The following SGCZ variants were observed in gnomAD, a reference collection of about 807,000 sequenced individuals.
SGCZ encodes the protein sarcoglycan zeta, also known as zeta-sarcoglycan.
SGCZ carries 40 observed loss-of-function variants against 41.3 expected under a neutral mutation model. That is an observed-to-expected ratio of 0.97 (90% CI 0.75 to 1.26). The LOEUF (loss-of-function observed/expected upper bound fraction) is 1.26, where lower values mean the gene tolerates loss of function less well. Ranked by LOEUF, SGCZ falls within the 50% of genes most tolerant of loss-of-function variation. The pLI, the probability that SGCZ is intolerant of heterozygous loss-of-function variation, is 0.00. For missense variants in SGCZ, 552 were observed against 369.8 expected, an observed-to-expected ratio of 1.49 and a Z score of -4.04; for synonymous variants, 206 against 137.5, an observed-to-expected ratio of 1.50 and a Z score of -3.49.
intron 2 of SGCZ, among the ~76,000 whole-genome samples, chr8:14,368,495 C>T (rs1343927999): frequency 6.6e-6 from 1 of 151,966 alleles, no homozygotes; most frequent in Non-Finnish European, 1.5e-5. Flanking sequence ...GACCTTAGTC[C>T]TCCATACTAA....
intron 1 of SGCZ, among the ~76,000 whole-genome samples, chr8:15,071,112 G>T (rs763146064): frequency 1.3e-5 from 2 of 152,084 alleles, no homozygotes; most frequent in Non-Finnish European, 2.9e-5. Flanking sequence ...AACTTGATTT[G>T]TTAAGCAATA....
intron 3 of SGCZ, among the ~76,000 whole-genome samples, chr8:14,263,445 A>G (rs1225058315): frequency 6.6e-6 from 1 of 152,056 alleles, no homozygotes; most frequent in Non-Finnish European, 1.5e-5. Flanking sequence ...GCTACTCAGG[A>G]GGCTGAGGCA....
chr8:14,719,027 C>T (rs1471366283), intron 1 of SGCZ, among the ~76,000 whole-genome samples: 5 of 128,376 alleles, frequency 3.9e-5, no homozygotes, highest in Non-Finnish European at 8.1e-5. Context: ...CAACAGTCCC[C>T]AGAGTGTGAT....
chr8:15,050,740 TG>T (rs1249949038), intron 1 of SGCZ, among the ~76,000 whole-genome samples: 2 of 151,904 alleles, frequency 1.3e-5, no homozygotes, highest in Non-Finnish European at 2.9e-5. Context: ...GAAGGGGAAT[TG>T]GGGGAGAAAG....
At chr8:14,625,229 T>C (rs952395438) in intron 1 of SGCZ, among the ~76,000 whole-genome samples, 3 of 152,180 alleles carry the variant, frequency 2.0e-5, no homozygotes, top group African/African-American at 7.2e-5. Context: ...TTTAACATAC[T>C]ACAATAAATC....
chr8:14,483,753 A>C (rs1293439967), intron 2 of SGCZ, among the ~76,000 whole-genome samples: 1 of 152,296 alleles, frequency 6.6e-6, no homozygotes, highest in South Asian at 2.1e-4. Context: ...GGTTTCAATT[A>C]AGGTAAATTA....
intron 1 of SGCZ, among the ~76,000 whole-genome samples, chr8:14,610,003 G>A (rs374852835): frequency 2.0e-5 from 3 of 152,248 alleles, no homozygotes; most frequent in African/African-American, 7.2e-5. Flanking sequence ...GTCTGTTCAC[G>A]AGGGAGATTT....
intron 1 of SGCZ, among the ~76,000 whole-genome samples, chr8:15,081,459 G>T (rs1805743699): frequency 6.7e-6 from 1 of 149,040 alleles, no homozygotes; most frequent in Non-Finnish European, 1.5e-5. Flanking sequence ...GACTAGTGGA[G>T]ATGCACATTT....
intron 2 of SGCZ, among the ~76,000 whole-genome samples, chr8:14,542,458 A>T (rs548534811): frequency 2.0e-5 from 3 of 152,230 alleles, no homozygotes; most frequent in African/African-American, 7.2e-5. Flanking sequence ...AGAGAAACAA[A>T]AGGAAACCTT....
At chr8:14,188,839 T>C (rs1804996543) in intron 4 of SGCZ, among the ~76,000 whole-genome samples, 1 of 104,826 alleles carries the variant, frequency 9.5e-6, no homozygotes, top group South Asian at 3.1e-4. Flanking sequence ...TTTTTGTTTG[T>C]TTGTTTTTTG....
chr8:15,029,717 C>T (rs1215894162), intron 1 of SGCZ, among the ~76,000 whole-genome samples: 1 of 152,008 alleles, frequency 6.6e-6, no homozygotes, highest in East Asian at 1.9e-4. Context: ...ATTTTTGTTT[C>T]TCTACAAGTT....
intron 1 of SGCZ, among the ~76,000 whole-genome samples, chr8:14,819,566 T>C (rs916318707): frequency 2.0e-5 from 3 of 152,150 alleles, no homozygotes; most frequent in Admixed American, 6.5e-5. Flanking sequence ...AAGATAAATG[T>C]ATAATTCAAT....
intron 2 of SGCZ, among the ~76,000 whole-genome samples, chr8:14,349,282 T>G (rs1390805610): frequency 6.6e-6 from 1 of 152,112 alleles, no homozygotes; most frequent in African/African-American, 2.4e-5. Flanking sequence ...TTCTCCCAAC[T>G]CCTCACCTAT....
At chr8:14,328,211 G>T (rs1802192397) in intron 2 of SGCZ, among the ~76,000 whole-genome samples, 1 of 152,154 alleles carries the variant, frequency 6.6e-6, no homozygotes. Flanking sequence ...TTTATGAGTT[G>T]ATGAAATTTG....
At chr8:14,506,507 A>AT (rs917557876) in intron 2 of SGCZ, among the ~76,000 whole-genome samples, 4 of 151,956 alleles carry the variant, frequency 2.6e-5, no homozygotes, top group African/African-American at 9.7e-5. Flanking sequence ...TCATTTAAAA[A>AT]AAAAAAGTCA....
intron 5 of SGCZ, among the ~76,000 whole-genome samples, chr8:14,155,670 T>C (rs1803854574): frequency 6.6e-6 from 1 of 151,008 alleles, no homozygotes; most frequent in African/African-American, 2.4e-5. Context: ...TTTTATTTTA[T>C]TCAATCAAAC....
At chr8:15,232,006 A>G (rs1222061968) in intron 1 of SGCZ, among the ~76,000 whole-genome samples, 2 of 152,204 alleles carry the variant, frequency 1.3e-5, no homozygotes, top group Non-Finnish European at 2.9e-5. Flanking sequence ...CAAACCAAGC[A>G]CAATTCTCAA....
intron 4 of SGCZ, among the ~76,000 whole-genome samples, chr8:14,175,897 G>A (rs973809332): frequency 7.2e-5 from 11 of 152,056 alleles, no homozygotes; most frequent in African/African-American, 1.9e-4. Flanking sequence ...GATATATTAT[G>A]CAAATACCAA....
chr8:14,727,555 G>C (rs1810096078), intron 1 of SGCZ, among the ~76,000 whole-genome samples: 1 of 150,532 alleles, frequency 6.6e-6, no homozygotes, highest in African/African-American at 2.5e-5. Flanking sequence ...CTGTTGCCCA[G>C]GCTAGAGTGC....
Sources: allele counts gnomAD v4.1 joint callset (sites outside exome capture counted in the v4.1 genomes callset), GRCh38; gene constraint gnomAD v4.1.1; transcripts MANE v1.5; gene names NCBI Gene and HGNC (gene_info 2026-07-23, HGNC 2026-07-21).